SRFBP1: variants seen among roughly 807,000 people sequenced by gnomAD.
SRFBP1 encodes the protein serum response factor-binding protein 1.
A neutral mutation model predicts 45.5 loss-of-function variants in SRFBP1; 47 were observed. The ratio of observed to expected loss-of-function variants is 1.03; its 90% CI spans 0.82 to 1.32. The LOEUF is 1.32. SRFBP1 is among the 40% of genes most tolerant of loss of function. SRFBP1 has a pLI of 0.00. For missense variants in SRFBP1, 621 were observed against 484.6 expected, an observed-to-expected ratio of 1.28 and a Z score of -2.64; for synonymous variants, 203 against 166.3, an observed-to-expected ratio of 1.22 and a Z score of -1.70.
In SRFBP1 at chr5:122,019,248, T is replaced by C; in HGVS notation, c.271-12T>C. On this transcript the variant is annotated splice_polypyrimidine_tract_variant and intron_variant, in intron 4 of 7. Coordinates refer to ENST00000339397, the MANE Select transcript of SRFBP1 (RefSeq NM_152546.3). ...TCATTCCCATACGTTTATTATATTT[T>C]TAAATTTGCAGCCAGATTCTACTGC... is the stretch of plus-strand genomic sequence containing the variant. 3 of 1,608,714 alleles carry C rather than the reference T, an allele frequency of 1.9e-6. No individual in the cohort carries two copies. Among genetic ancestry groups the C allele is most frequent in the Non-Finnish European group, 2.6e-6 (3 of 1,176,300 alleles).
rs184000164 is a variant in SRFBP1 at position 122,013,096 on chromosome 5, A to G, written c.271-6164A>G. 8.2e-3 allele frequency among the ~76,000 whole-genome samples: 1,252 copies of G among 152,228 alleles called. 19 individuals are homozygous for G. Among genetic ancestry groups the G allele is most frequent in the African/African-American group, 0.028 (1,166 of 41,552 alleles). Reference sequence around the variant, plus strand: ...GATGTTGCATTTTAGTCCCTCTTCAAAGTTGTTATGGCATCACATAAAAAT... The same window carrying G: ...GATGTTGCATTTTAGTCCCTCTTCAGAGTTGTTATGGCATCACATAAAAAT... On this transcript the variant is annotated intron_variant, in intron 4 of 7. Transcript: ENST00000339397.
intron 2 of SRFBP1, among the ~76,000 whole-genome samples, chr5:122,045,890 A>G (rs1015662678): frequency 6.6e-6 from 1 of 152,058 alleles, no homozygotes; most frequent in Non-Finnish European, 1.5e-5. Flanking sequence ...TTCCAATACT[A>G]TGTTGAATAG....
At chr5:122,062,131 C>T (rs1290956271) in intron 2 of SRFBP1, among the ~76,000 whole-genome samples, 1 of 151,804 alleles carries the variant, frequency 6.6e-6, no homozygotes, top group Non-Finnish European at 1.5e-5. Context: ...TTGTGAATCT[C>T]CCAAAGTATG....
At chr5:122,077,520 T>A (rs759012419), downstream of SRFBP1, 34 of 1,613,654 alleles carry the variant, frequency 2.1e-5, no homozygotes, top group Non-Finnish European at 2.6e-5. The surrounding 1 kb of genome is among the most constrained non-coding windows in gnomAD (Gnocchi z 4.9). Flanking sequence ...GGCCGCAGGT[T>A]ACTGAGCGCA....
At chr5:122,053,953 T>G (rs1754034162) in intron 2 of SRFBP1, among the ~76,000 whole-genome samples, 1 of 152,124 alleles carries the variant, frequency 6.6e-6, no homozygotes, top group African/African-American at 2.4e-5. Flanking sequence ...ATCGCCCACT[T>G]GACTTCAAGT....
intron 2 of SRFBP1, among the ~76,000 whole-genome samples, chr5:122,036,508 G>A (rs1252678186): frequency 2.6e-5 from 4 of 152,152 alleles, no homozygotes; most frequent in African/African-American, 4.8e-5. Flanking sequence ...TTTTGCGAAC[G>A]TAGTACCGAT....
At chr5:122,052,116 G>A (rs539613949) in intron 2 of SRFBP1, among the ~76,000 whole-genome samples, 2 of 152,122 alleles carry the variant, frequency 1.3e-5, no homozygotes, top group African/African-American at 2.4e-5. Context: ...TGAAAGGTCC[G>A]CTGTTAGCTT....
chr5:122,011,627 T>C (rs1753096072), intron 4 of SRFBP1, among the ~76,000 whole-genome samples: 2 of 152,194 alleles, frequency 1.3e-5, no homozygotes, highest in South Asian at 2.1e-4. Flanking sequence ...ATTTGTGCAT[T>C]TGTCTTAGCC....
Position 122,027,334 on chromosome 5 carries a change from C to A in SRFBP1, c.*208C>A. ...TGCACTACCATGCCCAGCTTTCTCACCCCAGGCTCTGCAGCTATTACTTAA... is the reference window on the plus strand; with the variant it reads ...TGCACTACCATGCCCAGCTTTCTCAACCCAGGCTCTGCAGCTATTACTTAA... On this transcript the variant is annotated 3_prime_UTR_variant, in exon 8 of 8. Transcript: ENST00000339397. 2.8e-6 allele frequency: 1 copy of A among 362,762 alleles called. No homozygotes were observed. The highest frequency in any genetic ancestry group is 7.6e-5 in the South Asian group (1 of 13,138). The allele number at this position is 362,762 out of a possible 1,614,324, so 22.5% of individuals were successfully genotyped here.
intron 3 of SRFBP1, among the ~76,000 whole-genome samples, chr5:121,978,827 G>A (rs193262339): frequency 2.0e-5 from 3 of 152,144 alleles, no homozygotes; most frequent in African/African-American, 7.2e-5. Context: ...CCTCTCTTAA[G>A]GCTGTTACTT....
chr5:122,046,872 T>C (rs1753869746), intron 2 of SRFBP1, among the ~76,000 whole-genome samples: 1 of 152,238 alleles, frequency 6.6e-6, no homozygotes, highest in African/African-American at 2.4e-5. Context: ...TTCATTCCTT[T>C]GCCCACTTTT....
At chr5:122,075,684 T>C, downstream of SRFBP1, 1 of 520,888 alleles carries the variant, frequency 1.9e-6, no homozygotes. Context: ...AGGCATTTTG[T>C]TTCTTTTTGT....
chr5:121,996,046 A>G (rs1259140730), intron 4 of SRFBP1, among the ~76,000 whole-genome samples: 1 of 151,642 alleles, frequency 6.6e-6, no homozygotes, highest in Non-Finnish European at 1.5e-5. Flanking sequence ...AAAAGAGTCC[A>G]GGACCAGATG....
At chr5:122,036,086 G>C (rs1346842680) in intron 2 of SRFBP1, among the ~76,000 whole-genome samples, 1 of 152,214 alleles carries the variant, frequency 6.6e-6, no homozygotes, top group Non-Finnish European at 1.5e-5. Flanking sequence ...CTCAAACTCT[G>C]CACGTTCCCA....
At chr5:121,970,567 G>A (rs1321083157) in intron 1 of SRFBP1, among the ~76,000 whole-genome samples, 10 of 150,666 alleles carry the variant, frequency 6.6e-5, no homozygotes, top group Non-Finnish European at 1.3e-4. Context: ...AGCCTTGTCT[G>A]TGTGCCTTTT....
rs764756171 is a variant in SRFBP1 at position 122,070,081 on chromosome 5, C to T, written n.312-5234C>T. ...GAAATTGTGCAGCCTGAGGCATACG[C>T]ATGATGTCCTGTGTAGCGAATGTCA... On this transcript the variant is annotated intron_variant and non_coding_transcript_variant, in intron 2 of 2. Coordinates refer to the SRFBP1 transcript ENST00000504881. 3 of 1,612,582 alleles carry T rather than the reference C, an allele frequency of 1.9e-6. No individual in the cohort carries two copies. The highest frequency in any genetic ancestry group is 2.5e-6 in the Non-Finnish European group (3 of 1,178,922).
chr5:122,060,632 A>T (rs183942310), intron 2 of SRFBP1, among the ~76,000 whole-genome samples: 34 of 152,250 alleles, frequency 2.2e-4, no homozygotes, highest in Admixed American at 2.2e-3. Flanking sequence ...GCACAGGTTA[A>T]TGCCGCTTTT....
intron 2 of SRFBP1, among the ~76,000 whole-genome samples, chr5:122,055,464 A>G (rs1217017758): frequency 6.6e-6 from 1 of 152,232 alleles, no homozygotes; most frequent in Non-Finnish European, 1.5e-5. Context: ...GAGGAGCTCA[A>G]TCATTTGTAA....
intron 1 of SRFBP1, among the ~76,000 whole-genome samples, chr5:121,963,741 G>A (rs77826731): frequency 0.033 from 5,057 of 152,098 alleles, 240 homozygotes; most frequent in African/African-American, 0.097. Context: ...ACATGAATTT[G>A]TGAAAGCAGG....
Sources: allele counts gnomAD v4.1 joint callset (sites outside exome capture counted in the v4.1 genomes callset), GRCh38; gene constraint gnomAD v4.1.1; non-coding constraint Gnocchi (gnomAD v3.1); transcripts MANE v1.5; gene names NCBI Gene and HGNC (gene_info 2026-07-23, HGNC 2026-07-21).